C10orf105: variants seen among roughly 807,000 people sequenced by gnomAD.
C10orf105 encodes the protein uncharacterized protein C10orf105.
In C10orf105, 2 loss-of-function variants were observed where a neutral mutation model predicts 0.6. The ratio of observed to expected loss-of-function variants is 3.18; its 90% confidence interval spans 1.30 to 10.01. The LOEUF is 10.01. C10orf105 is among the 30% of genes most tolerant of loss of function. The probability of loss-of-function intolerance (pLI) is 0.04; values close to 1 mark genes in which losing one functional copy is unlikely to be tolerated. For missense variants in C10orf105, 209 were observed against 191.4 expected, an observed-to-expected ratio of 1.09 and a Z score of -0.54; for synonymous variants, 95 against 82.4, an observed-to-expected ratio of 1.15 and a Z score of -0.83.
chr10:71,713,324 ATT>A lies in C10orf105; in HGVS notation c.*2610_*2611del. 1 of 777,762 alleles carries A rather than the reference ATT, an allele frequency of 1.3e-6. No homozygotes were observed. Among genetic ancestry groups the A allele is most frequent in the Non-Finnish European group, 2.4e-6 (1 of 417,400 alleles). 48.2% of individuals were successfully genotyped at this position (777,762 alleles called of 1,614,324 possible). A position where few individuals can be genotyped will look rare whatever the true frequency, so the allele number is the denominator to read the frequency against. On this transcript the variant is annotated 3_prime_UTR_variant, in exon 2 of 2. Transcript: ENST00000441508. ...GAGAGAAGGGAGGACCCTGAAAACA[ATT>A]TGGGTGTGCACCCACACCTCTGCCC...
At chr10:71,724,122 T>G, upstream of C10orf105, 6 of 1,553,766 alleles carry the variant, frequency 3.9e-6, no homozygotes, top group Non-Finnish European at 5.2e-6. Context: ...GGGGCTGCCC[T>G]AGGATGGGGG....
Position 71,712,979 on chromosome 10 carries a change from C to T in C10orf105, c.*2957G>A. ...GTGGGGAAAGGGGGACCCAGGCCCT[C>T]TCCCATCCCAGGGAGTGTGGGCCCC... On this transcript the variant is annotated 3_prime_UTR_variant, in exon 2 of 2. Transcript: ENST00000441508. 1 of 846,004 alleles carries T rather than the reference C, an allele frequency of 1.2e-6. No individual in the cohort carries two copies. The highest frequency in any genetic ancestry group is 2.0e-6 in the Non-Finnish European group (1 of 511,226). 52.4% of individuals were successfully genotyped at this position (846,004 alleles called of 1,614,324 possible).
At position 71,716,068 on chromosome 10, in the gene C10orf105, C is replaced by T; in HGVS notation, c.270G>A (p.Trp90Ter). 6.6e-7 allele frequency: 1 copy of T among 1,515,968 alleles called. No individual in the cohort carries two copies. Among genetic ancestry groups the T allele is most frequent in the South Asian group, 1.3e-5 (1 of 79,638 alleles). 93.9% of individuals were successfully genotyped at this position (1,515,968 alleles called of 1,614,324 possible). Reference protein sequence around the residue: ...GSPSEPQLRLWKRLGSLRLSL... With the variant: ...GSPSEPQLRL ...AGAGGCGCAAGGAGCCCAGGCGCTT[C>T]CAGAGCCGGAGCTGGGGCTCACTGG... The change falls in exon 2 of 2, where the codon TGG becomes TGA. Residue 90 changes from tryptophan (W) to a stop codon, truncating the protein, a stop_gained. Transcript: ENST00000441508. LOFTEE classifies it low-confidence loss of function (END_TRUNC).
chr10:71,735,392 C>T (rs961484897), intron 1 of C10orf105, among the ~76,000 whole-genome samples: 11 of 152,162 alleles, frequency 7.2e-5, no homozygotes, highest in South Asian at 4.1e-4. Flanking sequence ...AGAGGCGGCC[C>T]GGCCTGAAGG....
chr10:71,736,624 G>A (rs1015082087), intron 1 of C10orf105, among the ~76,000 whole-genome samples: 7 of 152,118 alleles, frequency 4.6e-5, no homozygotes, highest in Admixed American at 3.9e-4. Context: ...ACCCACTGAG[G>A]CCAACCCCCT....
chr10:71,725,490 C>G (rs752279244), intron 1 of C10orf105: 2 of 1,613,824 alleles, frequency 1.2e-6, no homozygotes, highest in Admixed American at 1.7e-5. Flanking sequence ...CCTACAACCA[C>G]GACCTGGGCC....
chr10:71,731,092 C>T (rs1036045440), intron 1 of C10orf105, among the ~76,000 whole-genome samples: 3 of 152,268 alleles, frequency 2.0e-5, no homozygotes, highest in South Asian at 2.1e-4. Context: ...CAGCCTGAAC[C>T]TTGCTGAGGG....
intron 1 of C10orf105, among the ~76,000 whole-genome samples, chr10:71,729,172 G>A (rs1012799384): frequency 6.6e-6 from 1 of 152,156 alleles, no homozygotes; most frequent in African/African-American, 2.4e-5. Flanking sequence ...CGTTCATGAT[G>A]TACAGTGCAC....
In C10orf105 at chr10:71,735,527, C is replaced by T. The variant is rs373994977; in HGVS notation, c.-6+2201G>A. 2.2e-3 allele frequency among the ~76,000 whole-genome samples: 338 copies of T among 152,284 alleles called. 2 individuals carry two copies. In the Middle Eastern group the frequency reaches 0.031, roughly 14 times the overall value. Reference sequence around the variant, plus strand: ...CAGGACACTCAGCCATCAATCTGGCCTGGACACTGGCCAGTCACATCAGCT... The same window carrying T: ...CAGGACACTCAGCCATCAATCTGGCTTGGACACTGGCCAGTCACATCAGCT... On this transcript the variant is annotated intron_variant, in intron 1 of 1. Transcript: ENST00000398786.
chr10:71,722,143 A>C (rs554630430), upstream of C10orf105, among the ~76,000 whole-genome samples: 1 of 152,292 alleles, frequency 6.6e-6, no homozygotes, highest in South Asian at 2.1e-4. Context: ...AATCCATTCT[A>C]TATTATCTTA....
At chr10:71,734,072 T>A (rs900646170) in intron 1 of C10orf105, among the ~76,000 whole-genome samples, 4 of 152,080 alleles carry the variant, frequency 2.6e-5, no homozygotes, top group Admixed American at 6.5e-5. Context: ...ATGGAAGAGG[T>A]GGCTTCCCAG....
At chr10:71,718,128 T>G (rs1339030923) in intron 1 of C10orf105, among the ~76,000 whole-genome samples, 1 of 152,194 alleles carries the variant, frequency 6.6e-6, no homozygotes, top group African/African-American at 2.4e-5. Context: ...CTTCCCAGCT[T>G]GCAGCTTAGA....
At chr10:71,726,683 C>T (rs1251655301) in intron 1 of C10orf105, among the ~76,000 whole-genome samples, 2 of 152,238 alleles carry the variant, frequency 1.3e-5, no homozygotes, top group African/African-American at 2.4e-5. Flanking sequence ...GAATCTTATT[C>T]GTGGGCTGGT....
chr10:71,718,786 G>T (rs1410775917), intron 1 of C10orf105, among the ~76,000 whole-genome samples: 1 of 152,172 alleles, frequency 6.6e-6, no homozygotes, highest in Non-Finnish European at 1.5e-5. Flanking sequence ...AATAAGTGAG[G>T]CCAGGCGTGT....
At chr10:71,721,929 A>G (rs1421728128), upstream of C10orf105, among the ~76,000 whole-genome samples, 1 of 152,088 alleles carries the variant, frequency 6.6e-6, no homozygotes. Context: ...CCCAGCACAA[A>G]TGTTCTTCCC....
At chr10:71,734,232 C>G in intron 1 of C10orf105, 1 of 1,603,118 alleles carries the variant, frequency 6.2e-7, no homozygotes, top group Non-Finnish European at 8.5e-7. Flanking sequence ...CTGGCCCCTT[C>G]CCTGCAGGGT....
At chr10:71,725,272 G>A (rs1866754005) in intron 1 of C10orf105, 3 of 1,558,974 alleles carry the variant, frequency 1.9e-6, no homozygotes, top group South Asian at 1.1e-5. Flanking sequence ...TCCTCACAAG[G>A]AGGGGACTGG....
In C10orf105 at chr10:71,716,796, G is replaced by A. The variant is rs147104937; in HGVS notation, c.-5-454C>T. On this transcript the variant is annotated intron_variant, in intron 1 of 1. Transcript: ENST00000441508. ...CCAAAGCTGCAAACTGGGGGCCCAC[G>A]GGTGTGTTTAGTTGGGTCCTTGCCA... 3.1e-5 allele frequency: 5 copies of A among 163,436 alleles called. No individual in the cohort carries two copies. The East Asian group carries it at 5.3e-4, about 17-fold the overall frequency. 10.1% of individuals were successfully genotyped at this position (163,436 alleles called of 1,614,324 possible).
chr10:71,718,536 G>A (rs1413949872), intron 1 of C10orf105, among the ~76,000 whole-genome samples: 2 of 152,276 alleles, frequency 1.3e-5, no homozygotes, highest in Non-Finnish European at 2.9e-5. Flanking sequence ...TTGAGTCTGA[G>A]CAGGGAGGAG....
Sources: allele counts gnomAD v4.1 joint callset (sites outside exome capture counted in the v4.1 genomes callset), GRCh38; gene constraint gnomAD v4.1.1; transcripts MANE v1.5; gene names NCBI Gene and HGNC (gene_info 2026-07-23, HGNC 2026-07-21).